Variants in RBMS3 observed in about 807,000 individuals in gnomAD.
The protein encoded by RBMS3 is RNA binding motif single stranded interacting protein 3.
In RBMS3, 27 loss-of-function variants were observed where a neutral mutation model predicts 66.8. The ratio of observed to expected loss-of-function variants is 0.40; its 90% confidence interval spans 0.30 to 0.56. The LOEUF (loss-of-function observed/expected upper bound fraction) is 0.56, where lower values mean the gene tolerates loss of function less well. Ranked by LOEUF, RBMS3 falls within the 20% of genes least tolerant of loss-of-function variation. RBMS3 has a pLI of 0.40. For missense variants in RBMS3, 513 were observed against 549.5 expected, an observed-to-expected ratio of 0.93 and a Z score of 0.66; for synonymous variants, 188 against 183.0, an observed-to-expected ratio of 1.03 and a Z score of -0.22.
chr3:29,587,145 A>G lies in RBMS3; in HGVS notation c.339A>G (p.Ala113=). The change falls in exon 4 of 15, where the codon GCA becomes GCG. Residue 113 remains alanine, a synonymous_variant. Transcript: ENST00000383767. ...GTTTTGTAGATTTTGACAGTCCTGC[A>G]GCCGCACAGAAAGCGGTAGCATCTC... ...GYGFVDFDSP[A]AAQKAVASLK... is the part of the protein sequence containing the mutation. The G allele has an allele frequency of 1.2e-6, 2 of 1,610,152 alleles. No homozygotes were observed. Among genetic ancestry groups the G allele is most frequent in the Non-Finnish European group, 1.7e-6 (2 of 1,178,468 alleles).
At chr3:29,932,925 T>C (rs1048115675) in intron 10 of RBMS3, among the ~76,000 whole-genome samples, 8 of 152,186 alleles carry the variant, frequency 5.3e-5, no homozygotes, top group African/African-American at 7.2e-5. Flanking sequence ...CAGCTTTGTT[T>C]TGCAAAGGCA....
chr3:29,563,379 C>T (rs2046623333), intron 3 of RBMS3, among the ~76,000 whole-genome samples: 3 of 152,134 alleles, frequency 2.0e-5, no homozygotes, highest in Non-Finnish European at 2.9e-5. Context: ...ATGACTGTGA[C>T]CAGCATGGGT....
intron 10 of RBMS3, among the ~76,000 whole-genome samples, chr3:29,928,195 T>C (rs941517153): frequency 2.3e-4 from 23 of 99,696 alleles, no homozygotes; most frequent in Non-Finnish European, 4.2e-4. Context: ...TATATATATA[T>C]ATATATATAT....
At chr3:29,671,420 C>A (rs148219832) in intron 4 of RBMS3, among the ~76,000 whole-genome samples, 7 of 152,082 alleles carry the variant, frequency 4.6e-5, no homozygotes, top group Non-Finnish European at 7.4e-5. Context: ...CAAAGCTGGA[C>A]GGAGAATGAC....
At chr3:29,792,037 A>T (rs1364883844) in intron 6 of RBMS3, among the ~76,000 whole-genome samples, 2 of 152,200 alleles carry the variant, frequency 1.3e-5, no homozygotes, top group African/African-American at 4.8e-5. Context: ...GTTAACCAGA[A>T]ACATCTATGA....
intron 10 of RBMS3, chr3:29,924,846 GA>G (rs55859885): frequency 0.26 from 33,701 of 130,228 alleles, 3,977 homozygotes; most frequent in East Asian, 0.49. Flanking sequence ...AGGAAAAAAA[GA>G]AAAAAAAAAA....
intron 4 of RBMS3, among the ~76,000 whole-genome samples, chr3:29,693,448 A>G (rs2052125662): frequency 6.6e-6 from 1 of 152,156 alleles, no homozygotes; most frequent in South Asian, 2.1e-4. Context: ...GCAAATATAT[A>G]TCTTATAAAC....
intron 6 of RBMS3, among the ~76,000 whole-genome samples, chr3:29,783,294 A>G (rs1329376531): frequency 6.6e-6 from 1 of 152,192 alleles, no homozygotes; most frequent in Non-Finnish European, 1.5e-5. Context: ...AAGAGCTGAG[A>G]GGCAAAAACA....
rs931749845 is a variant in RBMS3 at position 29,517,334 on chromosome 3, T to G, written c.307+28835T>G. ...ATATATATATATTTTTTTTTTGTTT[T>G]TTTTTTGAAACAGAGTCTCGCTCTG... is the stretch of plus-strand genomic sequence containing the variant. On this transcript the variant is annotated intron_variant, in intron 3 of 14. Coordinates refer to ENST00000383767, the MANE Select transcript of RBMS3 (RefSeq NM_001003793.3). 1.3e-3 allele frequency among the ~76,000 whole-genome samples: 197 copies of G among 150,454 alleles called. 2 individuals carry two copies. The highest frequency in any genetic ancestry group is 4.7e-3 in the African/African-American group (192 of 40,904).
At chr3:29,430,959 AG>A (rs1217482931) in intron 1 of RBMS3, among the ~76,000 whole-genome samples, 6 of 152,206 alleles carry the variant, frequency 3.9e-5, no homozygotes, top group African/African-American at 1.4e-4. Flanking sequence ...TACACCAGGA[AG>A]CCACCTCGGC....
At chr3:29,995,987 G>C (rs1005745351) in intron 14 of RBMS3, among the ~76,000 whole-genome samples, 8 of 152,154 alleles carry the variant, frequency 5.3e-5, no homozygotes, top group African/African-American at 1.2e-4. Flanking sequence ...TGGATCAAGA[G>C]TCAAGACCCA....
At chr3:29,891,050 G>C (rs186426827) in intron 8 of RBMS3, among the ~76,000 whole-genome samples, 149 of 151,674 alleles carry the variant, frequency 9.8e-4, no homozygotes, top group South Asian at 5.4e-3. Flanking sequence ...ATGGAATCCT[G>C]TAACAGTAAA....
chr3:29,529,683 T>C (rs1214607258), intron 3 of RBMS3, among the ~76,000 whole-genome samples: 1 of 152,176 alleles, frequency 6.6e-6, no homozygotes, highest in African/African-American at 2.4e-5. Flanking sequence ...GCACTATAGA[T>C]GTGAGTGTTT....
At chr3:29,764,128 G>A (rs2055822521) in intron 6 of RBMS3, among the ~76,000 whole-genome samples, 1 of 151,864 alleles carries the variant, frequency 6.6e-6, no homozygotes, top group Non-Finnish European at 1.5e-5. Flanking sequence ...TTTTAAGGGG[G>A]GATGTCAAGA....
At position 29,282,196 on chromosome 3, in the gene RBMS3, A is replaced by G. The variant is rs189738087; in HGVS notation, c.75+440A>G. Among the ~76,000 whole-genome samples the G allele has an allele frequency of 2.0e-5, 3 of 152,220 alleles. No individual in the cohort carries two copies. The East Asian group carries it at 5.8e-4, about 30-fold the overall frequency. On this transcript the variant is annotated intron_variant, in intron 1 of 14. Coordinates refer to ENST00000383767, the MANE Select transcript of RBMS3 (RefSeq NM_001003793.3). ...GGATAGGACGTGCAACGGTGGGGGT[A>G]ACTCAAACTTTTAATCGCAGGGTAT...
intron 2 of RBMS3, among the ~76,000 whole-genome samples, chr3:29,456,521 C>T (rs557323162): frequency 3.7e-4 from 56 of 152,210 alleles, no homozygotes; most frequent in African/African-American, 1.3e-3. Context: ...TTATCCAATC[C>T]ACTGTGTGCC....
chr3:29,391,913 A>G (rs1163142740), intron 1 of RBMS3, among the ~76,000 whole-genome samples: 2 of 152,228 alleles, frequency 1.3e-5, no homozygotes. Context: ...TTGATTTTTA[A>G]CATAATAGAG....
intron 4 of RBMS3, chr3:29,698,652 A>G: frequency 1.0e-6 from 1 of 977,680 alleles, no homozygotes; most frequent in Non-Finnish European, 1.2e-6. Context: ...CCATCTCCCA[A>G]GTCTTCTCAT....
chr3:29,805,650 A>G (rs2057523539), intron 6 of RBMS3, among the ~76,000 whole-genome samples: 1 of 152,048 alleles, frequency 6.6e-6, no homozygotes, highest in South Asian at 2.1e-4. Flanking sequence ...CAGTATAAAT[A>G]CTAATTTTAA....
Sources: gnomAD v4.1 joint callset for allele counts (sites outside exome capture counted in the v4.1 genomes callset) on GRCh38, gnomAD v4.1.1 for gene constraint, MANE v1.5 for transcripts, NCBI Gene and HGNC (gene_info 2026-07-23, HGNC 2026-07-21) for gene names.